LRP6: variants seen among roughly 807,000 people sequenced by gnomAD.
LRP6 encodes low-density lipoprotein receptor-related protein 6.
A neutral mutation model predicts 184.1 loss-of-function variants in LRP6; 43 were observed. The observed-to-expected ratio is 0.23, with a 90% CI of 0.18 to 0.30. The LOEUF (loss-of-function observed/expected upper bound fraction) is 0.30, where lower values mean the gene tolerates loss of function less well. LRP6 is among the 10% of genes least tolerant of loss of function. LRP6 has a pLI of 1.00. For missense variants in LRP6, 1,571 were observed against 2,005.3 expected (o/e 0.78, Z 4.14); for synonymous variants, 719 against 684.9 (o/e 1.05, Z -0.78).
intron 22 of LRP6, among the ~76,000 whole-genome samples, chr12:12,123,485 C>T (rs1949631376): frequency 6.6e-6 from 1 of 152,104 alleles, no homozygotes; most frequent in African/African-American, 2.4e-5. Flanking sequence ...TCGTATCAGG[C>T]CAATTTGACT....
chr12:12,179,767 C>T, intron 7 of LRP6, 43 bp downstream of exon 7: 3 of 1,600,042 alleles, frequency 1.9e-6, no homozygotes, highest in Non-Finnish European at 2.6e-6. Context: ...GACTCAAAAC[C>T]CATTATAAAA....
At chr12:12,239,604 C>T (rs184048683) in intron 2 of LRP6, among the ~76,000 whole-genome samples, 37 of 151,880 alleles carry the variant, frequency 2.4e-4, no homozygotes, top group African/African-American at 8.9e-4. Context: ...TGGAATACAT[C>T]GAAGGTAGAC....
chr12:12,135,430 C>T, intron 16 of LRP6, 130 bp from the exon 17 acceptor site: 1 of 486,706 alleles, frequency 2.1e-6, no homozygotes, highest in Non-Finnish European at 3.6e-6. Context: ...AGCTTGGACT[C>T]TTTTTTTTTA....
chr12:12,208,954 A>G (rs570260171), intron 2 of LRP6, among the ~76,000 whole-genome samples: 1 of 152,346 alleles, frequency 6.6e-6, no homozygotes, highest in African/African-American at 2.4e-5. Context: ...AGCACACTTC[A>G]TTAGCCACCT....
At chr12:12,224,544 C>G (rs1397348278) in intron 2 of LRP6, among the ~76,000 whole-genome samples, 1 of 151,878 alleles carries the variant, frequency 6.6e-6, no homozygotes, top group Non-Finnish European at 1.5e-5. Context: ...ATATAGAAAA[C>G]AGATTTCATA....
chr12:12,183,492 T>C (rs2136996642), intron 5 of LRP6, among the ~76,000 whole-genome samples: 1 of 152,320 alleles, frequency 6.6e-6, no homozygotes, highest in East Asian at 1.9e-4. Flanking sequence ...GTTTTAAATA[T>C]GGATTTTTTT....
intron 4 of LRP6, among the ~76,000 whole-genome samples, chr12:12,185,639 AAGTTCTCAGC>A (rs1453545603): frequency 6.6e-6 from 1 of 152,164 alleles, no homozygotes; most frequent in Non-Finnish European, 1.5e-5. Context: ...CCTCTCTTAC[AAGTTCTCAGC>A]AGTCATAGCC....
intron 1 of LRP6, among the ~76,000 whole-genome samples, chr12:12,261,071 G>T (rs1035876777): frequency 2.6e-5 from 4 of 152,122 alleles, no homozygotes; most frequent in Non-Finnish European, 5.9e-5. Context: ...GGACACAGTA[G>T]TTCAGTACAG....
chr12:12,216,770 A>G (rs1864359022), intron 2 of LRP6, among the ~76,000 whole-genome samples: 1 of 152,034 alleles, frequency 6.6e-6, no homozygotes, highest in Non-Finnish European at 1.5e-5. Context: ...CCTACCCTTA[A>G]GGCCATTTTC....
At chr12:12,254,846 A>C (rs1260998316) in intron 1 of LRP6, among the ~76,000 whole-genome samples, 2 of 152,174 alleles carry the variant, frequency 1.3e-5, no homozygotes, top group African/African-American at 4.8e-5. Context: ...AAATCCTAGA[A>C]TATTTTGGGA....
chr12:12,212,260 C>G (rs972018983), intron 2 of LRP6, among the ~76,000 whole-genome samples: 2 of 152,162 alleles, frequency 1.3e-5, no homozygotes, highest in Non-Finnish European at 2.9e-5. Flanking sequence ...CTGCACTCAC[C>G]TGCTCGTGAG....
rs1360894421 is a variant in LRP6 at position 12,205,352 on chromosome 12, AAAAAG to A, written c.450-1957_450-1953del. On this transcript the variant is annotated intron_variant, in intron 2 of 22. Transcript: ENST00000261349. The stretch of plus-strand genomic sequence containing the variant: ...AACAAAAAAAAAAAAAAAAAAAAAA[AAAAAG>A]AGGTAATGAGGGTGCTATGAAACAG... Among the ~76,000 whole-genome samples the A allele has an allele frequency of 1.3e-3, 184 of 137,400 alleles. 1 individual carries two copies. The highest frequency in any genetic ancestry group is 4.9e-3 in the African/African-American group (179 of 36,772). The allele number at this position is 137,400 out of a possible 152,430, so 90.1% of individuals were successfully genotyped here. A position where few individuals can be genotyped will look rare whatever the true frequency, so the allele number is the denominator to read the frequency against.
chr12:12,237,488 T>C (rs556977948), intron 2 of LRP6, among the ~76,000 whole-genome samples: 11 of 152,256 alleles, frequency 7.2e-5, no homozygotes, highest in African/African-American at 2.2e-4. Flanking sequence ...AACAGGATAA[T>C]TGCACAGCCT....
intron 1 of LRP6, among the ~76,000 whole-genome samples, chr12:12,248,636 T>C (rs374460165): frequency 1.0e-3 from 155 of 151,462 alleles, no homozygotes; most frequent in African/African-American, 3.3e-3. Flanking sequence ...CGCCCGCCAC[T>C]ACGCCCAGCT....
chr12:12,212,493 C>T (rs1003296220), intron 2 of LRP6, among the ~76,000 whole-genome samples: 3 of 152,138 alleles, frequency 2.0e-5, no homozygotes, highest in Admixed American at 2.0e-4. Context: ...GGCTAACAAG[C>T]ACCACCCTAA....
intron 15 of LRP6, among the ~76,000 whole-genome samples, chr12:12,146,023 T>A (rs1305806881): frequency 6.6e-6 from 1 of 152,136 alleles, no homozygotes; most frequent in Non-Finnish European, 1.5e-5. Context: ...CAAAACTAGA[T>A]CTTAAGAATT....
chr12:12,223,259 C>T (rs1864537200), intron 2 of LRP6, among the ~76,000 whole-genome samples: 1 of 151,448 alleles, frequency 6.6e-6, no homozygotes, highest in African/African-American at 2.4e-5. Flanking sequence ...TTTATCTGAG[C>T]CTCCCAGAAT....
chr12:12,123,710 T>C (rs1006333412), intron 22 of LRP6, among the ~76,000 whole-genome samples: 10 of 152,246 alleles, frequency 6.6e-5, no homozygotes, highest in African/African-American at 1.9e-4. Context: ...ACACACTTTA[T>C]AGACTCATAA....
At chr12:12,127,410 T>C (rs538565040) in intron 19 of LRP6, among the ~76,000 whole-genome samples, 5 of 152,214 alleles carry the variant, frequency 3.3e-5, no homozygotes, top group Non-Finnish European at 7.3e-5. Flanking sequence ...GAGCACATGT[T>C]AGATTTTAGA....
Sources: allele counts gnomAD v4.1 joint callset (sites outside exome capture counted in the v4.1 genomes callset), GRCh38; gene constraint gnomAD v4.1.1; transcripts MANE v1.5; gene names NCBI Gene and HGNC (gene_info 2026-07-23, HGNC 2026-07-21).